The following ANKRD44 variants were observed in gnomAD, a reference collection of about 807,000 sequenced individuals.
ANKRD44 encodes serine/threonine-protein phosphatase 6 regulatory ankyrin repeat subunit B.
A neutral mutation model predicts 116.0 loss-of-function variants in ANKRD44; 35 were observed. The observed-to-expected ratio is 0.30, with a 90% CI of 0.23 to 0.40. The LOEUF (loss-of-function observed/expected upper bound fraction) is 0.40. Among genes scored for constraint, ANKRD44 ranks in the 10% least tolerant of loss-of-function variants. The pLI is 1.00. For synonymous variants in ANKRD44, 435 were observed against 461.8 expected (o/e 0.94, Z 0.74); for missense variants, 1,014 against 1,242.6 (o/e 0.82, Z 2.77).
At chr2:197,213,633 G>T (rs530861236) in intron 1 of ANKRD44, among the ~76,000 whole-genome samples, 1 of 152,118 alleles carries the variant, frequency 6.6e-6, no homozygotes, top group Non-Finnish European at 1.5e-5. Context: ...AGCCTCATAC[G>T]CTGAGCCTAA....
intron 1 of ANKRD44, among the ~76,000 whole-genome samples, chr2:197,303,181 C>T (rs1276313677): frequency 6.6e-6 from 1 of 152,236 alleles, no homozygotes; most frequent in Non-Finnish European, 1.5e-5. Flanking sequence ...GCCACAAACA[C>T]ACTTGGGAGA....
rs372005080 is a variant in ANKRD44, at chr2:197,090,044, G to C, written c.1101-12C>G. On this transcript the variant is annotated splice_polypyrimidine_tract_variant and intron_variant, in intron 10 of 27. Coordinates refer to ENST00000282272, the MANE Select transcript of ANKRD44 (RefSeq NM_001195144.2). ...TATGGATTCCACACCTGAGGAGTAA[G>C]AAAACAGAGCAACTCACGGCAACAG... 3 of 1,608,972 alleles carry C rather than the reference G, an allele frequency of 1.9e-6. No individual in the cohort carries two copies. The highest frequency in any genetic ancestry group is 2.6e-6 in the Non-Finnish European group (3 of 1,175,560).
rs1574407412 is a variant in ANKRD44 at position 197,269,686 on chromosome 2, T to G, written c.27+40892A>C. Among the ~76,000 whole-genome samples the G allele has an allele frequency of 2.6e-5, 4 of 152,036 alleles. No individual in the cohort carries two copies. In the South Asian group the frequency reaches 8.3e-4, roughly 32 times the overall value. On this transcript the variant is annotated intron_variant, in intron 1 of 27. Transcript: ENST00000282272. ...TCTAGTTTATTGCCCACCTACTACC[T>G]GCCAAACCATGCTAGGTACTGGGAG...
rs752135915 is a variant in ANKRD44, at chr2:197,259,439, A to G, written c.27+51139T>C. Among the ~76,000 whole-genome samples, 14 of 152,222 alleles carry G rather than the reference A, an allele frequency of 9.2e-5. 1 individual carries two copies. The highest frequency in any genetic ancestry group is 1.5e-4 in the Non-Finnish European group (10 of 68,038). Reference sequence around the variant, plus strand: ...TGGGAGTTAAAAATCCAGTTTTGAGACAGGTCCTTGTTAAATTCCCCCGAT... The same window carrying G: ...TGGGAGTTAAAAATCCAGTTTTGAGGCAGGTCCTTGTTAAATTCCCCCGAT... On this transcript the variant is annotated intron_variant, in intron 1 of 27. Coordinates refer to ENST00000282272, the MANE Select transcript of ANKRD44 (RefSeq NM_001195144.2).
At chr2:197,279,622 T>C (rs1029188921) in intron 1 of ANKRD44, among the ~76,000 whole-genome samples, 1 of 152,182 alleles carries the variant, frequency 6.6e-6, no homozygotes, top group African/African-American at 2.4e-5. Flanking sequence ...CCTTTTTCTC[T>C]CTTCCCTTGC....
Position 197,126,063 on chromosome 2 carries a change from GGTCACTGACAGAC to G in ANKRD44, c.262-39_262-27del. ...CTACAACAAAAGCAGAGTTTGCAGA[GGTCACTGACAGAC>G]GTTCAATCAATACTTACTGGTGTAA... On this transcript the variant is annotated intron_variant, in intron 4 of 27. Transcript: ENST00000282272. The G allele has an allele frequency of 1.9e-6, 3 of 1,612,370 alleles. No homozygotes were observed. The South Asian group carries it at 3.3e-5, about 18-fold the overall frequency.
At chr2:197,229,959 A>T (rs2081818191) in intron 1 of ANKRD44, among the ~76,000 whole-genome samples, 1 of 152,128 alleles carries the variant, frequency 6.6e-6, no homozygotes, top group South Asian at 2.1e-4. Flanking sequence ...TAAAACTGTC[A>T]AACATGTTGA....
At chr2:197,245,331 T>G (rs1006691003) in intron 1 of ANKRD44, among the ~76,000 whole-genome samples, 5 of 152,180 alleles carry the variant, frequency 3.3e-5, no homozygotes, top group African/African-American at 1.2e-4. Context: ...TTGTATTAGG[T>G]ATTATAAGCA....
At chr2:197,240,701 T>A (rs2082073341) in intron 1 of ANKRD44, among the ~76,000 whole-genome samples, 1 of 149,238 alleles carries the variant, frequency 6.7e-6, no homozygotes, top group African/African-American at 2.5e-5. Flanking sequence ...GTTTTTTTTT[T>A]ATTAGCCACA....
intron 9 of ANKRD44, among the ~76,000 whole-genome samples, chr2:197,109,909 T>C (rs1168547999): frequency 6.6e-6 from 1 of 152,142 alleles, no homozygotes; most frequent in Non-Finnish European, 1.5e-5. Context: ...GGTTCAAGCA[T>C]ACCTTTGTCG....
chr2:197,026,028 A>G (rs1158759086), intron 16 of ANKRD44, among the ~76,000 whole-genome samples: 1 of 135,848 alleles, frequency 7.4e-6, no homozygotes, highest in Non-Finnish European at 1.6e-5. Flanking sequence ...GACTCAGAGA[A>G]GGGGGAGATA....
intron 22 of ANKRD44, 133 bp downstream of exon 22, chr2:197,001,620 G>C (rs2076116347): frequency 1.6e-6 from 1 of 621,538 alleles, no homozygotes; most frequent in African/African-American, 1.9e-5. Context: ...AGATCTACTT[G>C]TCTTTAGCAG....
At chr2:196,971,860 C>A (rs923419720) in intron 21 of ANKRD44, among the ~76,000 whole-genome samples, 1 of 152,144 alleles carries the variant, frequency 6.6e-6, no homozygotes, top group Non-Finnish European at 1.5e-5. Flanking sequence ...TCTGTGACCC[C>A]CTTTTTGACT....
downstream of ANKRD44, chr2:196,986,545 G>T: frequency 3.8e-6 from 1 of 265,170 alleles, no homozygotes; most frequent in Non-Finnish European, 5.8e-6. Flanking sequence ...TGAATCTGGA[G>T]ATACACTTTT....
rs933747209 is a variant in ANKRD44 at position 197,203,436 on chromosome 2, C to T, written c.28-16330G>A. Among the ~76,000 whole-genome samples, 3 of 152,142 alleles carry T rather than the reference C, an allele frequency of 2.0e-5. No individual in the cohort carries two copies. Among genetic ancestry groups the T allele is most frequent in the Admixed American group, 6.5e-5 (1 of 15,280 alleles). ...AGATGGCTAAAACAAAACAAACAAA[C>T]GAAACCCAGAAAACAGTGTTGGGAA... On this transcript the variant is annotated intron_variant, in intron 1 of 27. Coordinates refer to ENST00000282272, the MANE Select transcript of ANKRD44 (RefSeq NM_001195144.2). This position sits in a 1 kb window ranked among gnomAD's most constrained non-coding sequence, Gnocchi z 4.1.
chr2:197,173,889 C>T (rs2697245), intron 2 of ANKRD44, among the ~76,000 whole-genome samples: 85,749 of 151,930 alleles, frequency 0.56, 28,148 homozygotes, highest in East Asian at 0.88. Context: ...AAAAATTAGC[C>T]GGGCATGGTA....
intron 16 of ANKRD44, among the ~76,000 whole-genome samples, chr2:197,060,781 G>A (rs917551398): frequency 1.3e-4 from 20 of 152,118 alleles, no homozygotes; most frequent in African/African-American, 4.8e-4. Flanking sequence ...AGTTCATGCA[G>A]TATTTGTCTG....
In ANKRD44 at chr2:197,309,420, TA is replaced by T. The variant is rs548776966; in HGVS notation, c.27+1157del. 3.3e-5 allele frequency among the ~76,000 whole-genome samples: 5 copies of T among 152,228 alleles called. No homozygotes were observed. The South Asian group carries it at 1.0e-3, about 32-fold the overall frequency. On this transcript the variant is annotated intron_variant, in intron 1 of 27. Transcript: ENST00000282272. ...CTGTAAATATTTAGGAAAAACAAGCTAAAAAAATTGAATCTAAAAGGCAGGA... is the reference window on the plus strand; with the variant it reads ...CTGTAAATATTTAGGAAAAACAAGCTAAAAAATTGAATCTAAAAGGCAGGA...
intron 2 of ANKRD44, among the ~76,000 whole-genome samples, chr2:197,162,135 G>C (rs1340841244): frequency 6.6e-6 from 1 of 152,194 alleles, no homozygotes. Flanking sequence ...CCCACAGTGT[G>C]TTCTGGTATG....
Sources: gnomAD v4.1 joint callset for allele counts (sites outside exome capture counted in the v4.1 genomes callset) on GRCh38, gnomAD v4.1.1 for gene constraint, Gnocchi (gnomAD v3.1) non-coding constraint, MANE v1.5 for transcripts, NCBI Gene and HGNC (gene_info 2026-07-23, HGNC 2026-07-21) for gene names.